The following DIP2C variants were observed in gnomAD, a reference collection of about 807,000 sequenced individuals.
DIP2C encodes DIP2 acetate--CoA ligase C (putative).
DIP2C carries 33 observed loss-of-function variants against 192.4 expected under a neutral mutation model. The ratio of observed to expected loss-of-function variants is 0.17; its 90% CI spans 0.13 to 0.23. DIP2C has a LOEUF of 0.23. Ranked by LOEUF, DIP2C falls within the 10% of genes least tolerant of loss-of-function variation. The pLI is 1.00. For synonymous variants in DIP2C, 979 were observed against 864.1 expected (o/e 1.13, Z -2.33); for missense variants, 1,537 against 2,110.1 (o/e 0.73, Z 5.32).
intron 1 of DIP2C, among the ~76,000 whole-genome samples, chr10:579,755 A>G (rs1850468938): frequency 6.6e-6 from 1 of 152,034 alleles, no homozygotes; most frequent in South Asian, 2.1e-4. Flanking sequence ...ACTATAATGT[A>G]TGTACATGCA....
rs535853468 is a variant in DIP2C, at chr10:362,200, G to A, written c.2794+290C>T. On this transcript the variant is annotated intron_variant, in intron 22 of 36. Coordinates refer to ENST00000280886, the MANE Select transcript of DIP2C (RefSeq NM_014974.3). ...CTTAGAAAGTGAGAGCACCGTGGCCGTGTCCTTCAGGAGAATGAGCTTTTG... is the reference window on the plus strand; with the variant it reads ...CTTAGAAAGTGAGAGCACCGTGGCCATGTCCTTCAGGAGAATGAGCTTTTG... Among the ~76,000 whole-genome samples, 7 of 152,318 alleles carry A rather than the reference G, an allele frequency of 4.6e-5. No homozygotes were observed. In the South Asian group the frequency reaches 1.0e-3, roughly 23 times the overall value.
chr10:651,034 A>G lies in DIP2C; in HGVS notation c.85+38460T>C, dbSNP rs1440351309. The G allele has an allele frequency of 1.4e-6, 1 of 717,132 alleles. No homozygotes were observed. The highest frequency in any genetic ancestry group is 1.5e-5 in the South Asian group (1 of 67,580). 44.4% of individuals were successfully genotyped at this position (717,132 alleles called of 1,614,324 possible). A position where few individuals can be genotyped will look rare whatever the true frequency, so the allele number is the denominator to read the frequency against. On this transcript the variant is annotated intron_variant, in intron 1 of 36. Transcript: ENST00000280886. This position sits in a 1 kb window ranked among gnomAD's most constrained non-coding sequence, Gnocchi z 4.1. ...AGGCCCCAGCCCCCGTTTCTGCAGA[A>G]GCCCCTTTCCATCCTAGCCCCTGCC... is the stretch of plus-strand genomic sequence containing the variant.
chr10:324,146 A>G (rs1468106040), intron 31 of DIP2C, among the ~76,000 whole-genome samples: 2 of 152,184 alleles, frequency 1.3e-5, no homozygotes, highest in African/African-American at 4.8e-5. Flanking sequence ...TTTTACTAAA[A>G]TGAGTCACTT....
At chr10:411,814 C>T (rs368794744) in intron 8 of DIP2C, among the ~76,000 whole-genome samples, 2 of 152,208 alleles carry the variant, frequency 1.3e-5, no homozygotes, top group African/African-American at 4.8e-5. Context: ...CGTTCATCTA[C>T]GTTAGCGTTT....
intron 1 of DIP2C, among the ~76,000 whole-genome samples, chr10:658,254 C>G (rs1421059916): frequency 1.3e-5 from 2 of 151,512 alleles, no homozygotes; most frequent in Non-Finnish European, 2.9e-5. Context: ...TGATGCTGGA[C>G]CTGATGCTGG....
intron 1 of DIP2C, among the ~76,000 whole-genome samples, chr10:626,540 C>G (rs1046767846): frequency 1.3e-5 from 2 of 151,608 alleles, no homozygotes; most frequent in East Asian, 1.9e-4. Flanking sequence ...CTCCAGGCCC[C>G]TCTCCTTGTC....
At chr10:340,749 C>T (rs1330707155) in intron 29 of DIP2C, 2 of 457,430 alleles carry the variant, frequency 4.4e-6, no homozygotes, top group Admixed American at 2.3e-5. Context: ...GTGCCGCACC[C>T]CAGGGAACGC....
At chr10:369,727 CTCTGGGCACA>C in intron 17 of DIP2C, 94 bp from the exon 18 acceptor site, 1 of 1,598,054 alleles carries the variant, frequency 6.3e-7, no homozygotes, top group East Asian at 2.2e-5. Flanking sequence ...GGCTGGGCAC[CTCTGGGCACA>C]GTGCTGGCAC....
At chr10:687,039 T>C (rs1310797903) in intron 1 of DIP2C, among the ~76,000 whole-genome samples, 1 of 152,262 alleles carries the variant, frequency 6.6e-6, no homozygotes, top group Non-Finnish European at 1.5e-5. Flanking sequence ...TATTTTCTGA[T>C]ATTTTAATAA....
At chr10:553,952 C>A in intron 1 of DIP2C, among the ~76,000 whole-genome samples, 1 of 149,750 alleles carries the variant, frequency 6.7e-6, no homozygotes, top group East Asian at 2.0e-4. Flanking sequence ...AATGATACCT[C>A]ATAGAAAAAA....
chr10:595,446 ATGTGTTTCCAGAC>A (rs1345667319), intron 1 of DIP2C, among the ~76,000 whole-genome samples: 1 of 152,186 alleles, frequency 6.6e-6, no homozygotes, highest in African/African-American at 2.4e-5. Context: ...GTATCTCAAT[ATGTGTTTCCAGAC>A]TGTGGCTTTG....
intron 1 of DIP2C, among the ~76,000 whole-genome samples, chr10:543,090 T>A (rs1315790292): frequency 6.6e-6 from 1 of 152,094 alleles, no homozygotes; most frequent in African/African-American, 2.4e-5. Context: ...CACATGCGGC[T>A]CTGGCAGCTT....
At chr10:495,139 C>T (rs1844725712) in intron 1 of DIP2C, among the ~76,000 whole-genome samples, 1 of 152,132 alleles carries the variant, frequency 6.6e-6, no homozygotes, top group South Asian at 2.1e-4. Context: ...AATACAAATA[C>T]TGCATGATCT....
intron 3 of DIP2C, among the ~76,000 whole-genome samples, chr10:463,372 C>A (rs557333889): frequency 6.6e-6 from 1 of 152,126 alleles, no homozygotes; most frequent in South Asian, 2.1e-4. Context: ...AACAGGGGGC[C>A]AAATCATGAA....
intron 1 of DIP2C, among the ~76,000 whole-genome samples, chr10:510,258 T>A (rs1022655820): frequency 1.3e-5 from 2 of 152,222 alleles, no homozygotes; most frequent in Non-Finnish European, 2.9e-5. Flanking sequence ...AGGAAAATGC[T>A]GCTTGGAGAA....
chr10:617,354 CCT>C (rs759238071), intron 1 of DIP2C, among the ~76,000 whole-genome samples: 115 of 152,278 alleles, frequency 7.6e-4, no homozygotes, highest in African/African-American at 2.6e-3. Context: ...GATGTGAGCC[CCT>C]GAGATTTCTC....
At chr10:456,237 G>A (rs112024628) in intron 3 of DIP2C, among the ~76,000 whole-genome samples, 335 of 98,968 alleles carry the variant, frequency 3.4e-3, no homozygotes, top group East Asian at 7.3e-3. Flanking sequence ...CTGAGGGGAG[G>A]CCGTGAGGAG....
rs536386442 is a variant in DIP2C, at chr10:493,036, G to A, written c.86-6506C>T. 2.3e-3 allele frequency among the ~76,000 whole-genome samples: 351 copies of A among 152,354 alleles called. 3 individuals carry two copies. The highest frequency in any genetic ancestry group is 3.6e-3 in the Non-Finnish European group (247 of 68,030). ...CGTGTGCAGTGTGCCGCGCGGAGCAGAGGCTTTGTGAGTTTGAGGAGACTC... is the reference window on the plus strand; with the variant it reads ...CGTGTGCAGTGTGCCGCGCGGAGCAAAGGCTTTGTGAGTTTGAGGAGACTC... On this transcript the variant is annotated intron_variant, in intron 1 of 36. Coordinates refer to ENST00000280886, the MANE Select transcript of DIP2C (RefSeq NM_014974.3).
intron 32 of DIP2C, among the ~76,000 whole-genome samples, chr10:288,928 TCTTA>T (rs1161525222): frequency 6.6e-6 from 1 of 152,160 alleles, no homozygotes; most frequent in African/African-American, 2.4e-5. Context: ...GAAAAGAAAC[TCTTA>T]CTTCAAAGAA....
Sources: gnomAD v4.1 joint callset for allele counts (sites outside exome capture counted in the v4.1 genomes callset) on GRCh38, gnomAD v4.1.1 for gene constraint, Gnocchi (gnomAD v3.1) non-coding constraint, MANE v1.5 for transcripts, NCBI Gene and HGNC (gene_info 2026-07-23, HGNC 2026-07-21) for gene names.